Variants in HEATR4 observed in about 807,000 individuals in gnomAD.
HEATR4 encodes HEAT repeat-containing protein 4.
A neutral mutation model predicts 108.8 loss-of-function variants in HEATR4; 95 were observed. The ratio of observed to expected loss-of-function variants is 0.87; its 90% CI spans 0.74 to 1.04. The LOEUF is 1.04. Ranked by LOEUF, HEATR4 falls within the 50% of genes least tolerant of loss-of-function variation. The probability of loss-of-function intolerance (pLI) is 0.00; values close to 1 mark genes in which losing one functional copy is unlikely to be tolerated. For synonymous variants in HEATR4, 443 were observed against 459.4 expected (o/e 0.96, Z 0.46); for missense variants, 1,152 against 1,253.8 (o/e 0.92, Z 1.23).
chr14:73,503,121 G>A, intron 10 of HEATR4, 108 bp from the exon 11 acceptor site: 1 of 864,956 alleles, frequency 1.2e-6, no homozygotes, highest in Non-Finnish European at 1.9e-6. Flanking sequence ...TACTAATGAG[G>A]ATTGTCCTGA....
At chr14:73,489,625 T>G (rs1484998784) in intron 17 of HEATR4, among the ~76,000 whole-genome samples, 1 of 152,174 alleles carries the variant, frequency 6.6e-6, no homozygotes, top group African/African-American at 2.4e-5. Flanking sequence ...ACAAAGCAAT[T>G]AGTTGCATGA....
At chr14:73,593,545 A>C in the HEATR4 span, among the ~76,000 whole-genome samples, 1 of 151,574 alleles carries the variant, frequency 6.6e-6, no homozygotes. Context: ...GTCTCACTAC[A>C]TTGTCCAGGC....
the HEATR4 span, among the ~76,000 whole-genome samples, chr14:73,607,640 G>C: frequency 6.8e-6 from 1 of 147,830 alleles, no homozygotes; most frequent in East Asian, 2.0e-4. Context: ...TTTTTTTTTT[G>C]GAGGAAGACT....
At chr14:73,483,629 G>C (rs1885335433) in intron 17 of HEATR4, among the ~76,000 whole-genome samples, 1 of 152,118 alleles carries the variant, frequency 6.6e-6, no homozygotes, top group Non-Finnish European at 1.5e-5. Flanking sequence ...CTTCATAAAG[G>C]AAATGTGAGC....
chr14:73,605,111 A>AC, the HEATR4 span, among the ~76,000 whole-genome samples: 1 of 151,698 alleles, frequency 6.6e-6, no homozygotes, highest in African/African-American at 2.4e-5. Context: ...AAAAAAAAAA[A>AC]CCTTTTTCCA....
chr14:73,494,858 A>G (rs1595088299), intron 16 of HEATR4, among the ~76,000 whole-genome samples: 1 of 152,130 alleles, frequency 6.6e-6, no homozygotes, highest in Admixed American at 6.6e-5. Context: ...ACCACGCCCA[A>G]CCACCAACCA....
chr14:73,592,211 G>T, the HEATR4 span: 1 of 1,612,738 alleles, frequency 6.2e-7, no homozygotes, highest in Non-Finnish European at 8.5e-7. Context: ...TCTGGGCCCT[G>T]GAACCCGAGA....
chr14:73,557,830 C>T lies in HEATR4; in HGVS notation c.-152+921G>A, dbSNP rs1277921273. Among the ~76,000 whole-genome samples the T allele has an allele frequency of 2.3e-5, 2 of 86,652 alleles. 1 individual carries two copies. Among genetic ancestry groups the T allele is most frequent in the Non-Finnish European group, 5.4e-5 (2 of 37,114 alleles). 56.8% of individuals were successfully genotyped at this position (86,652 alleles called of 152,430 possible). On this transcript the variant is annotated intron_variant, in intron 1 of 17. Coordinates refer to ENST00000553558, the MANE Select transcript of HEATR4 (RefSeq NM_001220484.1). ...TCAGCGTCCCCAGTAGCTGGGACCA[C>T]AGGTGTGCACCACCATGCCTGGCTA...
chr14:73,628,778 G>A, the HEATR4 span, among the ~76,000 whole-genome samples: 1 of 150,662 alleles, frequency 6.6e-6, no homozygotes, highest in South Asian at 2.1e-4. Context: ...ATTTGCCACA[G>A]CAGTGGCTCA....
At chr14:73,595,454 C>G in the HEATR4 span, 2 of 1,614,200 alleles carry the variant, frequency 1.2e-6, no homozygotes, top group Non-Finnish European at 1.7e-6. Context: ...CATCTGTTAC[C>G]CTGGGACTGG....
In HEATR4 at chr14:73,500,791, C is replaced by A. The variant is rs116776973; in HGVS notation, c.2106-61G>T. On this transcript the variant is annotated intron_variant, in intron 11 of 17. Coordinates refer to ENST00000553558, the MANE Select transcript of HEATR4 (RefSeq NM_001220484.1). ...AAACTTTCAGTACCTAACCCCCAAC[C>A]CCCACTAATGCCCTCATGATAAAAT... 2,758 of 1,480,534 alleles carry A rather than the reference C, an allele frequency of 1.9e-3. 51 individuals are homozygous for A. The African/African-American group carries it at 0.035, about 19-fold the overall frequency. The allele number at this position is 1,480,534 out of a possible 1,614,324, so 91.7% of individuals were successfully genotyped here.
At chr14:73,516,530 A>T (rs1344260616) in intron 5 of HEATR4, among the ~76,000 whole-genome samples, 1 of 150,376 alleles carries the variant, frequency 6.6e-6, no homozygotes, top group Non-Finnish European at 1.5e-5. Context: ...GGAATAAAAA[A>T]TACAACTGCC....
chr14:73,528,279 C>T (rs10083395), intron 2 of HEATR4, among the ~76,000 whole-genome samples: 6,615 of 150,998 alleles, frequency 0.044, 184 homozygotes, highest in Middle Eastern at 0.088. Context: ...TCCGTAATCC[C>T]AGCTACTCAG....
the HEATR4 span, chr14:73,619,922 T>A: frequency 7.7e-7 from 1 of 1,300,560 alleles, no homozygotes; most frequent in Non-Finnish European, 1.0e-6. Flanking sequence ...CTTTTCTCTT[T>A]TTTTTTTTTT....
chr14:73,582,120 C>T, the HEATR4 span: 1 of 124,780 alleles, frequency 8.0e-6, no homozygotes, highest in Admixed American at 8.5e-5. Flanking sequence ...GCCAAGATCC[C>T]ACTGAAACCT....
chr14:73,576,366 G>C, the HEATR4 span, among the ~76,000 whole-genome samples: 1 of 151,806 alleles, frequency 6.6e-6, no homozygotes, highest in East Asian at 1.9e-4. Flanking sequence ...CTTCTCCTTG[G>C]ATTAATAAGG....
the HEATR4 span, among the ~76,000 whole-genome samples, chr14:73,608,866 G>A: frequency 6.6e-6 from 1 of 152,180 alleles, no homozygotes; most frequent in Non-Finnish European, 1.5e-5. Context: ...GGCAGAAGGG[G>A]AAGCAAACAT....
At chr14:73,612,718 C>A in the HEATR4 span, 1 of 1,376,960 alleles carries the variant, frequency 7.3e-7, no homozygotes, top group Non-Finnish European at 9.3e-7. Context: ...TCCGGGCCCA[C>A]GCGCGCTACC....
chr14:73,508,686 T>C (rs1887003129), intron 8 of HEATR4, among the ~76,000 whole-genome samples: 1 of 144,220 alleles, frequency 6.9e-6, no homozygotes, highest in East Asian at 2.1e-4. Context: ...GAGGCGGAGG[T>C]TGCAGTGTGA....
Sources: allele counts gnomAD v4.1 joint callset (sites outside exome capture counted in the v4.1 genomes callset), GRCh38; gene constraint gnomAD v4.1.1; transcripts MANE v1.5; gene names NCBI Gene and HGNC (gene_info 2026-07-23, HGNC 2026-07-21).